The following LRRC37A2 variants were observed in gnomAD, a reference collection of about 807,000 sequenced individuals.
The protein encoded by LRRC37A2 is leucine rich repeat containing 37 member A2.
LRRC37A2 carries 9 observed loss-of-function variants against 68.8 expected under a neutral mutation model. The ratio of observed to expected loss-of-function variants is 0.13; its 90% CI spans 0.08 to 0.23. The LOEUF is 0.23. Ranked by LOEUF, LRRC37A2 falls within the 10% of genes least tolerant of loss-of-function variation. The probability of loss-of-function intolerance (pLI) is 1.00; values close to 1 mark genes in which losing one functional copy is unlikely to be tolerated. For synonymous variants in LRRC37A2, 63 were observed against 367.6 expected, an observed-to-expected ratio of 0.17 and a Z score of 9.48; for missense variants, 168 against 950.4, an observed-to-expected ratio of 0.18 and a Z score of 10.82.
the LRRC37A2 span, among the ~76,000 whole-genome samples, chr17:46,734,011 C>A: frequency 6.6e-6 from 1 of 152,180 alleles, no homozygotes; most frequent in African/African-American, 2.4e-5. Flanking sequence ...TGGGTAGACA[C>A]ACTTGTTTCT....
At chr17:46,748,259 G>A in the LRRC37A2 span, among the ~76,000 whole-genome samples, 4 of 151,926 alleles carry the variant, frequency 2.6e-5, no homozygotes, top group African/African-American at 9.7e-5. Flanking sequence ...TTACAGGCAC[G>A]TGTCACCATG....
chr17:46,497,172 G>T, the LRRC37A2 span, among the ~76,000 whole-genome samples: 1 of 97,610 alleles, frequency 1.0e-5, no homozygotes, highest in East Asian at 2.5e-4. Flanking sequence ...GGGATTATAG[G>T]CGTGAGCCAC....
chr17:47,013,359 A>G, the LRRC37A2 span, among the ~76,000 whole-genome samples: 1 of 152,248 alleles, frequency 6.6e-6, no homozygotes, highest in African/African-American at 2.4e-5. Context: ...CATGAATTAT[A>G]TCTCAATAAA....
the LRRC37A2 span, among the ~76,000 whole-genome samples, chr17:46,737,360 GA>G: frequency 1.3e-5 from 2 of 152,124 alleles, no homozygotes; most frequent in Non-Finnish European, 2.9e-5. Flanking sequence ...TTAAATTTCA[GA>G]AAAACATCAC....
chr17:46,969,353 A>C, the LRRC37A2 span, among the ~76,000 whole-genome samples: 4 of 152,204 alleles, frequency 2.6e-5, no homozygotes, highest in African/African-American at 7.2e-5. Context: ...TGGTGTCAGC[A>C]GGAAGGAGGG....
At chr17:47,019,429 C>T in the LRRC37A2 span, 1 of 1,611,172 alleles carries the variant, frequency 6.2e-7, no homozygotes. Context: ...GAGACCTCAA[C>T]TCAGCCTCCA....
At chr17:46,728,590 C>G in the LRRC37A2 span, among the ~76,000 whole-genome samples, 6 of 151,070 alleles carry the variant, frequency 4.0e-5, no homozygotes, top group African/African-American at 1.5e-4. Context: ...ATAGCAAGAC[C>G]CTGTCTCAAA....
At chr17:46,817,941 G>C in the LRRC37A2 span, among the ~76,000 whole-genome samples, 1 of 152,074 alleles carries the variant, frequency 6.6e-6, no homozygotes, top group African/African-American at 2.4e-5. Flanking sequence ...GGCTCAAGAT[G>C]AATCTAGAGC....
chr17:46,993,310 A>G, the LRRC37A2 span, among the ~76,000 whole-genome samples: 1 of 152,224 alleles, frequency 6.6e-6, no homozygotes, highest in Non-Finnish European at 1.5e-5. Context: ...TCATGGGACA[A>G]CAGGTTTTCC....
the LRRC37A2 span, among the ~76,000 whole-genome samples, chr17:46,499,101 G>A: frequency 6.8e-6 from 1 of 146,818 alleles, no homozygotes; most frequent in Non-Finnish European, 1.5e-5. Flanking sequence ...GATCACTTGA[G>A]GTCAGGTATT....
chr17:46,884,418 G>A, the LRRC37A2 span, among the ~76,000 whole-genome samples: 261 of 152,340 alleles, frequency 1.7e-3, no homozygotes, highest in African/African-American at 5.6e-3. Context: ...ATTAAGGGGC[G>A]TGAGGGGGCA....
chr17:46,818,904 T>C, the LRRC37A2 span: 14 of 446,038 alleles, frequency 3.1e-5, no homozygotes, highest in Non-Finnish European at 4.8e-5. Context: ...CCCAGCAAAC[T>C]TGGGCAAAGC....
chr17:46,679,040 C>G, the LRRC37A2 span, among the ~76,000 whole-genome samples: 17 of 151,894 alleles, frequency 1.1e-4, 1 homozygote, highest in African/African-American at 4.1e-4. Flanking sequence ...AAAACACATA[C>G]TGTGTGATTC....
chr17:46,955,078 A>T, the LRRC37A2 span, among the ~76,000 whole-genome samples: 1 of 152,208 alleles, frequency 6.6e-6, no homozygotes, highest in African/African-American at 2.4e-5. Flanking sequence ...GAGAGCGGGC[A>T]TCCCTGTCTT....
the LRRC37A2 span, among the ~76,000 whole-genome samples, chr17:46,890,823 G>T: frequency 6.6e-6 from 1 of 152,214 alleles, no homozygotes; most frequent in Non-Finnish European, 1.5e-5. Context: ...AGGCACGGGC[G>T]GGGGTTGGAT....
At chr17:46,841,478 G>A in the LRRC37A2 span, among the ~76,000 whole-genome samples, 1 of 152,244 alleles carries the variant, frequency 6.6e-6, no homozygotes, top group African/African-American at 2.4e-5. Context: ...GAATCCGAAA[G>A]AAAGAGGCCC....
At chr17:46,896,441 A>AGAAT in the LRRC37A2 span, among the ~76,000 whole-genome samples, 3 of 69,008 alleles carry the variant, frequency 4.3e-5, no homozygotes, top group African/African-American at 4.6e-4. Flanking sequence ...AAAGAAAGAA[A>AGAAT]GAAAGAAAGA....
chr17:46,635,777 ATGTGTGTGTG>A, the LRRC37A2 span, among the ~76,000 whole-genome samples: 80 of 116,796 alleles, frequency 6.8e-4, 3 homozygotes, highest in East Asian at 0.01. Context: ...GGGAAAATAA[ATGTGTGTGTG>A]TGTGTGTGTG....
At chr17:47,047,858 A>G in the LRRC37A2 span, among the ~76,000 whole-genome samples, 1 of 151,038 alleles carries the variant, frequency 6.6e-6, no homozygotes, top group Non-Finnish European at 1.5e-5. Flanking sequence ...CTTTCTGTTC[A>G]CAGAACAAAT....
Sources: allele counts gnomAD v4.1 joint callset (sites outside exome capture counted in the v4.1 genomes callset), GRCh38; gene constraint gnomAD v4.1.1; transcripts MANE v1.5; gene names NCBI Gene and HGNC (gene_info 2026-07-23, HGNC 2026-07-21).